GIMAP8: variants seen among roughly 807,000 people sequenced by gnomAD.
GIMAP8 encodes GTPase, IMAP family member 8.
GIMAP8 carries 29 observed loss-of-function variants against 35.6 expected under a neutral mutation model. The ratio of observed to expected loss-of-function variants is 0.81; its 90% CI spans 0.61 to 1.11. The LOEUF is 1.11. GIMAP8 is among the 50% of genes most tolerant of loss of function. The pLI is 0.00. For missense variants in GIMAP8, 811 were observed against 805.0 expected, an observed-to-expected ratio of 1.01 and a Z score of -0.09; for synonymous variants, 335 against 308.7, an observed-to-expected ratio of 1.09 and a Z score of -0.89.
Position 150,474,444 on chromosome 7 carries a change from A to G in GIMAP8, c.1115A>G (p.Gln372Arg). The change falls in exon 4 of 5, where the codon CAG (glutamine) becomes CGG (arginine). Residue 372 changes from glutamine to arginine, a missense_variant. Physicochemically the swap from Gln to Arg is conservative, Grantham distance 43. Coordinates refer to ENST00000307271, the MANE Select transcript of GIMAP8 (RefSeq NM_175571.4). ...ACCAGGAAAGAAGATTTAGGGGATC[A>G]GGATCTAGATACGTTCTTAAGAAAC... The part of the protein sequence containing the change: ...LLTRKEDLGD[Q>R]DLDTFLRNSN... The G allele has an allele frequency of 3.7e-6, 6 of 1,613,866 alleles. No individual in the cohort carries two copies. The highest frequency in any genetic ancestry group is 5.1e-6 in the Non-Finnish European group (6 of 1,179,806).
intron 1 of GIMAP8, among the ~76,000 whole-genome samples, chr7:150,454,280 G>C (rs958970765): frequency 6.6e-6 from 1 of 152,120 alleles, no homozygotes; most frequent in African/African-American, 2.4e-5. Flanking sequence ...GGGAGGTTTA[G>C]AATGAAGCGT....
rs374439600 is a variant in GIMAP8, at chr7:150,477,864, G to A, written c.*84G>A. 1.5e-3 allele frequency: 1,665 copies of A among 1,105,846 alleles called. 1 individual carries two copies. The highest frequency in any genetic ancestry group is 1.9e-3 in the Non-Finnish European group (1,480 of 769,816). 68.5% of individuals were successfully genotyped at this position (1,105,846 alleles called of 1,614,324 possible). On this transcript the variant is annotated 3_prime_UTR_variant, in exon 5 of 5. Transcript: ENST00000307271. ...CGGGGCATGGTACAACCTGTGGGAA[G>A]GGAAGCGGGTTCATGGCTTTGAGGG...
rs1266335484 is a variant in GIMAP8, at chr7:150,474,026, C to T, written c.697C>T (p.Gln233Ter). 6.2e-7 allele frequency: 1 copy of T among 1,612,624 alleles called. No individual in the cohort carries two copies. Among genetic ancestry groups the T allele is most frequent in the Admixed American group, 1.7e-5 (1 of 59,922 alleles). ...TTGTCCCACAGGCCCAAGGGAAAGG[C>T]AGCTGCAGTCCACAGGACCCGAGCA... ...GDKPQGPRER[Q>*]LQSTGPEQNP... Residue 233 changes from glutamine (Q) to a stop codon, truncating the protein, a stop_gained, in exon 4 of 5, where the codon CAG becomes TAG. Transcript: ENST00000307271. LOFTEE classifies it high-confidence loss of function.
At position 150,451,542 on chromosome 7, in the gene GIMAP8, C is replaced by T. The variant is rs1414691062; in HGVS notation, c.-29+367C>T. 2.6e-5 allele frequency among the ~76,000 whole-genome samples: 4 copies of T among 151,990 alleles called. No homozygotes were observed. Among genetic ancestry groups the T allele is most frequent in the South Asian group, 2.1e-4 (1 of 4,824 alleles). ...TGAGAGTGGCTGTCCTAAAAGAAGG[C>T]GTGTCGGGGAGTGGGTGTGAGCCCT... is the stretch of plus-strand genomic sequence containing the variant. On this transcript the variant is annotated intron_variant, in intron 1 of 4. Coordinates refer to ENST00000307271, the MANE Select transcript of GIMAP8 (RefSeq NM_175571.4). This position sits in a 1 kb window ranked among gnomAD's most constrained non-coding sequence, Gnocchi z 4.1.
chr7:150,452,241 C>T (rs985428062), intron 1 of GIMAP8, among the ~76,000 whole-genome samples: 1 of 151,988 alleles, frequency 6.6e-6, no homozygotes, highest in African/African-American at 2.4e-5. Flanking sequence ...TCCTTAAGTG[C>T]ACTTTCTACA....
chr7:150,474,510 A>G lies in GIMAP8; in HGVS notation c.1181A>G (p.Asn394Ser), dbSNP rs1232085011. The change falls in exon 4 of 5, where the codon AAC becomes AGC. Residue 394 changes from asparagine to serine, a missense_variant. Asn to Ser is a conservative substitution (Grantham distance 46). Coordinates refer to ENST00000307271, the MANE Select transcript of GIMAP8 (RefSeq NM_175571.4). ...TATGGTCTCATCCAGAAGTGTAAAA[A>G]CAGATATAGTGCCTTCAACTACCGG... Reference protein sequence around the residue: ...ALYGLIQKCKNRYSAFNYRAT... With the variant: ...ALYGLIQKCKSRYSAFNYRAT... 1.2e-6 allele frequency: 2 copies of G among 1,611,894 alleles called. No homozygotes were observed. Among genetic ancestry groups the G allele is most frequent in the East Asian group, 2.2e-5 (1 of 44,880 alleles).
At chr7:150,464,825 A>G (rs1284580078) in intron 1 of GIMAP8, among the ~76,000 whole-genome samples, 1 of 152,274 alleles carries the variant, frequency 6.6e-6, no homozygotes, top group Non-Finnish European at 1.5e-5. Context: ...TTTAGAATAA[A>G]CACTAAACTT....
chr7:150,470,912 T>G, intron 3 of GIMAP8, 38 bp downstream of exon 3: 1 of 1,450,184 alleles, frequency 6.9e-7, no homozygotes. Flanking sequence ...CTCACACTTG[T>G]ATTCTTTTGA....
chr7:150,477,541 C>T lies in GIMAP8; in HGVS notation c.1759C>T (p.Leu587Phe), dbSNP rs868831779. Residue 587 changes from leucine to phenylalanine, a missense_variant, in exon 5 of 5, where the codon CTT becomes TTT. Physicochemically the swap from Leu to Phe is conservative, Grantham distance 22. Transcript: ENST00000307271. ...CATGAAGAACTCAGATAACAAAGCC[C>T]TTCGGCGCATTTTTAAAAAGTGTGG... ...DFMKNSDNKALRRIFKKCGRR... is the reference protein window; with the variant it reads ...DFMKNSDNKAFRRIFKKCGRR... 5 of 1,614,136 alleles carry T rather than the reference C, an allele frequency of 3.1e-6. No individual in the cohort carries two copies. The highest frequency in any genetic ancestry group is 3.4e-6 in the Non-Finnish European group (4 of 1,180,008).
In GIMAP8 at chr7:150,472,770, C is replaced by A. The variant is rs1429275680; in HGVS notation, c.683-1242C>A. 6.6e-6 allele frequency among the ~76,000 whole-genome samples: 1 copy of A among 152,074 alleles called. No homozygotes were observed. Among genetic ancestry groups the A allele is most frequent in the Non-Finnish European group, 1.5e-5 (1 of 68,004 alleles). On this transcript the variant is annotated intron_variant, in intron 3 of 4. Transcript: ENST00000307271. The surrounding 1 kb of genome is among the most constrained non-coding windows in gnomAD (Gnocchi z 4.1). ...TATATTTGCATAGGAACCTGAGTAGCCAGCAGGAGATAGGGCAGGAGGCAA... is the reference window on the plus strand; with the variant it reads ...TATATTTGCATAGGAACCTGAGTAGACAGCAGGAGATAGGGCAGGAGGCAA...
In GIMAP8 at chr7:150,473,871, T is replaced by C. The variant is rs921147626; in HGVS notation, c.683-141T>C. On this transcript the variant is annotated intron_variant, in intron 3 of 4. Transcript: ENST00000307271. ...GGCTTTCACCTTGATGGAGAGCTTCTGGCTGAGAGTAGAGTTCTACTGGTT... is the reference window on the plus strand; with the variant it reads ...GGCTTTCACCTTGATGGAGAGCTTCCGGCTGAGAGTAGAGTTCTACTGGTT... The C allele has an allele frequency of 4.9e-6, 4 of 819,598 alleles. No individual in the cohort carries two copies. In the African/African-American group the frequency reaches 6.8e-5, roughly 14 times the overall value. The allele number at this position is 819,598 out of a possible 1,614,324, so 50.8% of individuals were successfully genotyped here.
At chr7:150,463,397 C>G (rs1331495168) in intron 1 of GIMAP8, among the ~76,000 whole-genome samples, 1 of 152,108 alleles carries the variant, frequency 6.6e-6, no homozygotes, top group Non-Finnish European at 1.5e-5. Context: ...TTTGGAGATA[C>G]TATGTTCCCT....
At chr7:150,456,785 A>G (rs1801739934) in intron 1 of GIMAP8, among the ~76,000 whole-genome samples, 2 of 152,216 alleles carry the variant, frequency 1.3e-5, no homozygotes, top group South Asian at 2.1e-4. Flanking sequence ...ATTTTTTTCA[A>G]TATGGAAAAA....
chr7:150,460,521 G>C (rs922066739), intron 1 of GIMAP8, among the ~76,000 whole-genome samples: 7 of 152,202 alleles, frequency 4.6e-5, no homozygotes, highest in Non-Finnish European at 7.3e-5. Context: ...ACTACTTAAA[G>C]TTCTGCCCAT....
Position 150,477,103 on chromosome 7 carries a change from A to T in GIMAP8, c.1321A>T (p.Ile441Phe). Reference protein sequence around the residue: ...CVFREKETLNIVLVGRSGTGK... With the variant: ...CVFREKETLNFVLVGRSGTGK... The stretch of plus-strand genomic sequence containing the variant: ...CTTTCCTTTGACAGAAACCCTGAAC[A>T]TTGTCCTTGTGGGGAGAAGCGGGAC... The change falls in exon 5 of 5, where the codon ATT becomes TTT. Residue 441 changes from isoleucine to phenylalanine, a missense_variant. Physicochemically the swap from Ile to Phe is conservative, Grantham distance 21 (BLOSUM62 0). Coordinates refer to ENST00000307271, the MANE Select transcript of GIMAP8 (RefSeq NM_175571.4). The T allele has an allele frequency of 6.2e-7, 1 of 1,602,288 alleles. No homozygotes were observed. The highest frequency in any genetic ancestry group is 8.5e-7 in the Non-Finnish European group (1 of 1,170,056).
chr7:150,460,337 C>T (rs903754341), intron 1 of GIMAP8, among the ~76,000 whole-genome samples: 1 of 152,190 alleles, frequency 6.6e-6, no homozygotes, highest in Non-Finnish European at 1.5e-5. Context: ...GTTTTTCACC[C>T]ATTCTGAGAA....
intron 1 of GIMAP8, among the ~76,000 whole-genome samples, chr7:150,464,740 G>A (rs1585115203): frequency 6.6e-6 from 1 of 152,196 alleles, no homozygotes; most frequent in South Asian, 2.1e-4. Context: ...TATGTTAAAT[G>A]TGCTATTTAT....
chr7:150,469,495 T>C (rs907317270), intron 2 of GIMAP8, among the ~76,000 whole-genome samples: 3 of 152,232 alleles, frequency 2.0e-5, no homozygotes, highest in Non-Finnish European at 4.4e-5. Flanking sequence ...AAAGCAGAGA[T>C]AATAATCACA....
intron 1 of GIMAP8, among the ~76,000 whole-genome samples, chr7:150,453,629 T>A (rs1801668104): frequency 6.6e-6 from 1 of 152,224 alleles, no homozygotes; most frequent in African/African-American, 2.4e-5. Context: ...TCAATAACCA[T>A]CAACTCAGAA....
Sources: gnomAD v4.1 joint callset for allele counts (sites outside exome capture counted in the v4.1 genomes callset) on GRCh38, gnomAD v4.1.1 for gene constraint, Gnocchi (gnomAD v3.1) non-coding constraint, MANE v1.5 for transcripts, NCBI Gene and HGNC (gene_info 2026-07-23, HGNC 2026-07-21) for gene names.